CIMIP2A: variants seen among roughly 807,000 people sequenced by gnomAD.
CIMIP2A encodes family with sequence similarity 166 member A.
chr9:137,252,786 G>T, the CIMIP2A span: 1 of 1,562,618 alleles, frequency 6.4e-7, no homozygotes, highest in Non-Finnish European at 8.7e-7. Flanking sequence ...CCTGGGGCTA[G>T]GGGGCTGGGC....
the CIMIP2A span, chr9:137,245,972 T>A: frequency 1.3e-6 from 1 of 776,246 alleles, no homozygotes; most frequent in Non-Finnish European, 1.9e-6. Flanking sequence ...GGTTGGCCTG[T>A]GGCAGCTCGC....
chr9:137,243,880 C>A, the CIMIP2A span: 2 of 1,353,906 alleles, frequency 1.5e-6, no homozygotes, highest in Non-Finnish European at 2.1e-6. Flanking sequence ...GTGGGGCTGC[C>A]CTGGGCCCTG....
the CIMIP2A span, chr9:137,251,436 G>C: frequency 6.8e-7 from 1 of 1,479,496 alleles, no homozygotes; most frequent in Admixed American, 1.7e-5. Context: ...GGCCAGCTGG[G>C]AGTGGCCAGG....
At chr9:137,244,443 C>CT in the CIMIP2A span, 1 of 1,512,638 alleles carries the variant, frequency 6.6e-7, no homozygotes, top group African/African-American at 1.4e-5. Context: ...GACTCCAAAA[C>CT]TTGAGTGCAG....
At chr9:137,249,159 A>G in the CIMIP2A span, among the ~76,000 whole-genome samples, 1 of 152,172 alleles carries the variant, frequency 6.6e-6, no homozygotes, top group Non-Finnish European at 1.5e-5. Context: ...CCCGGCCAAT[A>G]TGACCTTTTT....
the CIMIP2A span, chr9:137,244,082 C>G: frequency 7.5e-7 from 1 of 1,337,724 alleles, no homozygotes; most frequent in Non-Finnish European, 1.1e-6. Flanking sequence ...ACAGGTGGTC[C>G]TGAACCAGCA....
chr9:137,253,320 C>T, the CIMIP2A span: 2 of 1,553,358 alleles, frequency 1.3e-6, no homozygotes, highest in Non-Finnish European at 1.7e-6. Context: ...TCCCAGGCCT[C>T]CCCTGGGACT....
chr9:137,245,661 C>T, the CIMIP2A span: 1 of 1,606,624 alleles, frequency 6.2e-7, no homozygotes, highest in South Asian at 1.1e-5. Flanking sequence ...GGATGTAGGG[C>T]TCCGTCAGGT....
At chr9:137,251,883 C>G in the CIMIP2A span, 1 of 1,608,102 alleles carries the variant, frequency 6.2e-7, no homozygotes, top group South Asian at 1.1e-5. Context: ...CACCCAGACC[C>G]TGAGGGAACT....
At chr9:137,253,127 G>A in the CIMIP2A span, 4 of 1,573,858 alleles carry the variant, frequency 2.5e-6, no homozygotes, top group South Asian at 1.2e-5. Flanking sequence ...CGAACCCCTG[G>A]CCCAGCCGCC....
At chr9:137,245,483 C>T in the CIMIP2A span, 1 of 1,613,856 alleles carries the variant, frequency 6.2e-7, no homozygotes, top group South Asian at 1.1e-5. Context: ...TTCTCTACCC[C>T]TGGCGGCTCC....
the CIMIP2A span, chr9:137,244,458 C>T: frequency 6.7e-7 from 1 of 1,501,510 alleles, no homozygotes; most frequent in East Asian, 2.4e-5. Context: ...GTGCAGGGAT[C>T]CAAGCAAGAC....
chr9:137,243,683 C>A, the CIMIP2A span: 4 of 1,614,086 alleles, frequency 2.5e-6, no homozygotes, highest in South Asian at 1.1e-5. Flanking sequence ...TGTACAGACA[C>A]CACCATTAAA....
chr9:137,252,004 TG>T, the CIMIP2A span: 1 of 1,610,878 alleles, frequency 6.2e-7, no homozygotes, highest in Non-Finnish European at 8.5e-7. Context: ...TGGCCAGTGC[TG>T]GAGCAACGCC....
chr9:137,253,893 C>A, the CIMIP2A span, among the ~76,000 whole-genome samples: 1 of 152,338 alleles, frequency 6.6e-6, no homozygotes, highest in African/African-American at 2.4e-5. Flanking sequence ...GAGCTGAAGA[C>A]CTGGCTGGGC....
chr9:137,246,141 T>G, the CIMIP2A span, among the ~76,000 whole-genome samples: 2 of 152,130 alleles, frequency 1.3e-5, no homozygotes, highest in Non-Finnish European at 2.9e-5. Context: ...CTCCCACCCC[T>G]CATTCCAACT....
the CIMIP2A span, chr9:137,245,073 C>T: frequency 6.2e-7 from 1 of 1,610,996 alleles, no homozygotes; most frequent in Non-Finnish European, 8.5e-7. Flanking sequence ...CCAGCCCAGC[C>T]CAGGCCCACA....
At chr9:137,245,994 T>C in the CIMIP2A span, 4 of 589,986 alleles carry the variant, frequency 6.8e-6, no homozygotes, top group Non-Finnish European at 1.1e-5. Context: ...TGCCCTCTGC[T>C]CACCTGTAAA....
chr9:137,251,552 C>T, the CIMIP2A span, among the ~76,000 whole-genome samples: 7 of 143,220 alleles, frequency 4.9e-5, no homozygotes, highest in African/African-American at 1.9e-4. Context: ...CGGCCAGGGG[C>T]TGAGGGACAG....
Sources: gnomAD v4.1 joint callset for allele counts (sites outside exome capture counted in the v4.1 genomes callset) on GRCh38, gnomAD v4.1.1 for gene constraint, MANE v1.5 for transcripts, NCBI Gene and HGNC (gene_info 2026-07-23, HGNC 2026-07-21) for gene names.